KCNQ5: variants seen among roughly 807,000 people sequenced by gnomAD.
KCNQ5 encodes the protein potassium voltage-gated channel subfamily KQT member 5.
KCNQ5 carries 30 observed loss-of-function variants against 98.2 expected under a neutral mutation model. That is an observed-to-expected ratio of 0.31 (90% confidence interval 0.23 to 0.41). The LOEUF (loss-of-function observed/expected upper bound fraction) is 0.41. KCNQ5 is among the 10% of genes least tolerant of loss of function. KCNQ5 has a pLI of 1.00. For missense variants in KCNQ5, 835 were observed against 1,182.5 expected (o/e 0.71, Z 4.31); for synonymous variants, 458 against 449.4 (o/e 1.02, Z -0.24).
At chr6:72,680,313 A>G (rs1767642338) in intron 1 of KCNQ5, among the ~76,000 whole-genome samples, 1 of 152,070 alleles carries the variant, frequency 6.6e-6, no homozygotes, top group Non-Finnish European at 1.5e-5. Flanking sequence ...CTTTTCTTTC[A>G]CTTAATGTTT....
At chr6:72,830,731 A>G (rs767647493) in intron 1 of KCNQ5, among the ~76,000 whole-genome samples, 1 of 152,264 alleles carries the variant, frequency 6.6e-6, no homozygotes, top group African/African-American at 2.4e-5. Context: ...CAAAATTGAC[A>G]AATGTGATCT....
chr6:73,058,717 CA>C (rs1327368027), intron 3 of KCNQ5, among the ~76,000 whole-genome samples: 1 of 151,704 alleles, frequency 6.6e-6, no homozygotes, highest in Non-Finnish European at 1.5e-5. Context: ...AATTTATAAG[CA>C]AAAAAACAAA....
At chr6:73,136,879 C>T (rs1225088958) in intron 10 of KCNQ5, 1 of 152,088 alleles carries the variant, frequency 6.6e-6, no homozygotes, top group Non-Finnish European at 1.5e-5. Flanking sequence ...CACTTATAGC[C>T]AGTTTTCAAT....
intron 1 of KCNQ5, among the ~76,000 whole-genome samples, chr6:72,975,818 T>G (rs1185874853): frequency 6.6e-6 from 1 of 152,232 alleles, no homozygotes; most frequent in Non-Finnish European, 1.5e-5. Flanking sequence ...TCAGTTTGGT[T>G]GCAAGTTCTT....
intron 1 of KCNQ5, among the ~76,000 whole-genome samples, chr6:72,836,154 A>C (rs934752844): frequency 6.6e-6 from 1 of 152,166 alleles, no homozygotes; most frequent in Non-Finnish European, 1.5e-5. Context: ...TAATAATATA[A>C]TTTTGAGTAG....
intron 1 of KCNQ5, among the ~76,000 whole-genome samples, chr6:72,843,387 C>T (rs182441653): frequency 4.6e-5 from 7 of 152,218 alleles, no homozygotes; most frequent in Non-Finnish European, 8.8e-5. Context: ...TTACCATAGG[C>T]TTGTAGTGTA....
chr6:72,714,555 T>C (rs577539893), intron 1 of KCNQ5, among the ~76,000 whole-genome samples: 1 of 152,354 alleles, frequency 6.6e-6, no homozygotes, highest in South Asian at 2.1e-4. Context: ...CAGTTGCTTA[T>C]ATAATTCATG....
chr6:73,003,616 T>A (rs1326199786), intron 1 of KCNQ5, among the ~76,000 whole-genome samples: 1 of 152,076 alleles, frequency 6.6e-6, no homozygotes, highest in African/African-American at 2.4e-5. Flanking sequence ...GGGAAGGAAG[T>A]TGTATGGGAA....
chr6:73,081,293 A>T (rs1773755998), intron 5 of KCNQ5, among the ~76,000 whole-genome samples: 1 of 152,168 alleles, frequency 6.6e-6, no homozygotes, highest in Non-Finnish European at 1.5e-5. Flanking sequence ...GTTGCTGGAA[A>T]AGGGGATCTT....
intron 1 of KCNQ5, among the ~76,000 whole-genome samples, chr6:72,746,497 C>T (rs1771415703): frequency 6.6e-6 from 1 of 152,138 alleles, no homozygotes; most frequent in African/African-American, 2.4e-5. Context: ...GATTTGCTGA[C>T]AGGTACTAAT....
intron 1 of KCNQ5, among the ~76,000 whole-genome samples, chr6:72,693,542 GA>G (rs951851014): frequency 7.9e-5 from 12 of 151,714 alleles, no homozygotes; most frequent in African/African-American, 2.7e-4. Flanking sequence ...TTCTCTGGAG[GA>G]AAAAAAGGGT....
At chr6:73,127,852 C>T (rs1189842617) in intron 9 of KCNQ5, among the ~76,000 whole-genome samples, 2 of 152,180 alleles carry the variant, frequency 1.3e-5, no homozygotes, top group Non-Finnish European at 2.9e-5. Flanking sequence ...CACCTGAGGT[C>T]AGGAGTTCGA....
intron 1 of KCNQ5, among the ~76,000 whole-genome samples, chr6:72,916,571 T>G (rs955701764): frequency 3.3e-5 from 5 of 152,176 alleles, no homozygotes; most frequent in African/African-American, 1.2e-4. Context: ...CATGTTTGTA[T>G]TCAGCCTGAT....
At chr6:73,129,585 T>C (rs1487951199) in intron 9 of KCNQ5, among the ~76,000 whole-genome samples, 1 of 152,202 alleles carries the variant, frequency 6.6e-6, no homozygotes, top group Non-Finnish European at 1.5e-5. Context: ...CTAGTTCAAA[T>C]CCAATTTTTC....
chr6:72,658,576 A>AT (rs1158254933), intron 1 of KCNQ5, among the ~76,000 whole-genome samples: 163 of 92,364 alleles, frequency 1.8e-3, no homozygotes, highest in African/African-American at 3.3e-3. Flanking sequence ...ATATATATAT[A>AT]TATTTTTTTT....
At chr6:72,824,832 G>T (rs1562006936) in intron 1 of KCNQ5, among the ~76,000 whole-genome samples, 1 of 151,358 alleles carries the variant, frequency 6.6e-6, no homozygotes, top group African/African-American at 2.4e-5. Context: ...TTATACTATA[G>T]ATTATAAAAT....
chr6:72,960,716 G>C (rs530072673), intron 1 of KCNQ5, among the ~76,000 whole-genome samples: 1 of 152,314 alleles, frequency 6.6e-6, no homozygotes, highest in Admixed American at 6.5e-5. Context: ...GTGAGCCACT[G>C]TGCCCAACCC....
Position 72,672,418 on chromosome 6 carries a change from G to A in KCNQ5, c.398+49831G>A, listed in dbSNP as rs573156620. Among the ~76,000 whole-genome samples, 57 of 152,196 alleles carry A rather than the reference G, an allele frequency of 3.7e-4. No individual in the cohort carries two copies. The South Asian group carries it at 0.011, about 28-fold the overall frequency. ...CAGCCTTCACCAGAAAATTTTATAT[G>A]TATATAAACATAGAGTAAGCATTTT... On this transcript the variant is annotated intron_variant, in intron 1 of 13. Coordinates refer to ENST00000370398, the MANE Select transcript of KCNQ5 (RefSeq NM_019842.4).
chr6:72,766,147 G>T (rs1269951059), intron 1 of KCNQ5, among the ~76,000 whole-genome samples: 2 of 152,026 alleles, frequency 1.3e-5, no homozygotes, highest in Admixed American at 1.3e-4. Context: ...AAGAGAGGGA[G>T]CAAGCATTGC....
Sources: gnomAD v4.1 joint callset for allele counts (sites outside exome capture counted in the v4.1 genomes callset) on GRCh38, gnomAD v4.1.1 for gene constraint, MANE v1.5 for transcripts, NCBI Gene and HGNC (gene_info 2026-07-23, HGNC 2026-07-21) for gene names.